The following PDE4D variants were observed in gnomAD, a reference collection of about 807,000 sequenced individuals.
PDE4D encodes the protein 3',5'-cyclic-AMP phosphodiesterase 4D.
Under a neutral mutation model 87.4 loss-of-function variants are expected in PDE4D, and 24 were observed. That is an observed-to-expected ratio of 0.27 (90% CI 0.20 to 0.39). The LOEUF (loss-of-function observed/expected upper bound fraction) is 0.39. PDE4D is among the 10% of genes least tolerant of loss of function. The pLI is 1.00. For missense variants in PDE4D, 714 were observed against 1,041.0 expected, an observed-to-expected ratio of 0.69 and a Z score of 4.32; for synonymous variants, 384 against 383.2, an observed-to-expected ratio of 1.00 and a Z score of -0.02.
intron 2 of PDE4D, among the ~76,000 whole-genome samples, chr5:60,089,020 G>A (rs1774826066): frequency 6.6e-6 from 1 of 151,904 alleles, no homozygotes; most frequent in African/African-American, 2.4e-5. Context: ...AAGAGCAGAA[G>A]TAAAGCTATA....
intron 3 of PDE4D, among the ~76,000 whole-genome samples, chr5:59,900,316 G>A (rs1370136061): frequency 6.7e-6 from 1 of 149,904 alleles, no homozygotes; most frequent in Admixed American, 6.7e-5. Context: ...TACTTAAAAT[G>A]TCTTCAAAAG....
At chr5:60,472,692 AAATGGTCTC>A in intron 1 of PDE4D, among the ~76,000 whole-genome samples, 1 of 152,340 alleles carries the variant, frequency 6.6e-6, no homozygotes, top group East Asian at 1.9e-4. Context: ...CCTAGGCTAC[AAATGGTCTC>A]TGACTTAGGA....
chr5:60,271,895 T>A (rs1173253104), intron 1 of PDE4D, among the ~76,000 whole-genome samples: 1 of 152,144 alleles, frequency 6.6e-6, no homozygotes. Context: ...TATTCCCTAA[T>A]TGCAGGAAAT....
At chr5:60,140,551 G>GAA (rs59594399) in intron 2 of PDE4D, among the ~76,000 whole-genome samples, 2 of 140,982 alleles carry the variant, frequency 1.4e-5, no homozygotes, top group East Asian at 2.3e-4. Context: ...AATAAAAGGA[G>GAA]AAAAAAAAAA....
At position 59,944,721 on chromosome 5, in the gene PDE4D, T is replaced by G. The variant is rs1268192256; in HGVS notation, c.272+43767A>C. Among the ~76,000 whole-genome samples, 4 of 152,328 alleles carry G rather than the reference T, an allele frequency of 2.6e-5. No individual in the cohort carries two copies. In the East Asian group the frequency reaches 7.7e-4, roughly 29 times the overall value. On this transcript the variant is annotated intron_variant, in intron 3 of 16. Transcript: ENST00000502484. Reference sequence around the variant, plus strand: ...CCAGTGCAATTCACCCTTTACTTAATGATGAAGGTATCCTTCAGCACTAAC... The same window carrying G: ...CCAGTGCAATTCACCCTTTACTTAAGGATGAAGGTATCCTTCAGCACTAAC...
intron 1 of PDE4D, among the ~76,000 whole-genome samples, chr5:59,681,958 G>C (rs1190496180): frequency 6.6e-6 from 1 of 150,696 alleles, no homozygotes; most frequent in African/African-American, 2.4e-5. Flanking sequence ...TTGCCCATGT[G>C]ATACCTTTCA....
intron 1 of PDE4D, among the ~76,000 whole-genome samples, chr5:59,565,073 G>A (rs1380282464): frequency 1.3e-5 from 2 of 152,160 alleles, no homozygotes; most frequent in Non-Finnish European, 2.9e-5. Flanking sequence ...GGTGCAGCTG[G>A]GGTGTGGCAC....
chr5:59,949,375 G>A (rs936120098), intron 3 of PDE4D, among the ~76,000 whole-genome samples: 1 of 145,896 alleles, frequency 6.9e-6, no homozygotes, highest in South Asian at 2.2e-4. Flanking sequence ...GGAGCTTGCA[G>A]TAAGCCGAGA....
At chr5:59,832,436 C>T (rs984098231) in intron 1 of PDE4D, among the ~76,000 whole-genome samples, 1 of 152,014 alleles carries the variant, frequency 6.6e-6, no homozygotes, top group African/African-American at 2.4e-5. Context: ...TTTTATGACA[C>T]CAGACTGCAA....
chr5:59,791,099 A>G (rs1189939886), intron 1 of PDE4D, among the ~76,000 whole-genome samples: 1 of 152,232 alleles, frequency 6.6e-6, no homozygotes, highest in African/African-American at 2.4e-5. Context: ...CATCACAGAA[A>G]AATCTGCCAT....
chr5:59,761,145 A>G (rs554732147), intron 1 of PDE4D, among the ~76,000 whole-genome samples: 1 of 152,346 alleles, frequency 6.6e-6, no homozygotes, highest in South Asian at 2.1e-4. Context: ...AAGTATTTGT[A>G]TATCTAAACA....
chr5:59,337,276 A>C (rs934674998), intron 1 of PDE4D, among the ~76,000 whole-genome samples: 2 of 151,346 alleles, frequency 1.3e-5, no homozygotes, highest in African/African-American at 4.9e-5. Context: ...TTCTTAAAAA[A>C]CTTAAATTTT....
At chr5:59,511,962 G>T (rs566363721) in intron 1 of PDE4D, among the ~76,000 whole-genome samples, 79 of 152,144 alleles carry the variant, frequency 5.2e-4, no homozygotes, top group Admixed American at 5.0e-3. Flanking sequence ...GTAATTTGAG[G>T]TCTGAAGTGG....
chr5:59,407,406 C>T (rs893411098), intron 1 of PDE4D, among the ~76,000 whole-genome samples: 1 of 152,168 alleles, frequency 6.6e-6, no homozygotes, highest in Non-Finnish European at 1.5e-5. Context: ...ATAAATTACC[C>T]AGTCTCAGAT....
intron 5 of PDE4D, among the ~76,000 whole-genome samples, chr5:59,158,359 T>C (rs1443773695): frequency 2.0e-5 from 3 of 152,298 alleles, no homozygotes; most frequent in Non-Finnish European, 4.4e-5. Context: ...CTGAGTCACT[T>C]ATACAATCGA....
chr5:59,483,602 C>T (rs905467581), intron 1 of PDE4D, among the ~76,000 whole-genome samples: 1 of 152,060 alleles, frequency 6.6e-6, no homozygotes, highest in Admixed American at 6.6e-5. Context: ...TAAGGTAATG[C>T]CCGTTTACTT....
chr5:59,966,914 A>G (rs1760115367), intron 3 of PDE4D, among the ~76,000 whole-genome samples: 1 of 152,238 alleles, frequency 6.6e-6, no homozygotes, highest in Non-Finnish European at 1.5e-5. Flanking sequence ...TATTCCTAGC[A>G]GAGAACTTTT....
intron 2 of PDE4D, among the ~76,000 whole-genome samples, chr5:60,071,231 T>C (rs1281697082): frequency 6.6e-6 from 1 of 152,028 alleles, no homozygotes; most frequent in African/African-American, 2.4e-5. Flanking sequence ...TTCTGCCTAA[T>C]TTGGCCTTAG....
Position 59,242,316 on chromosome 5 carries a change from C to T in PDE4D, c.456-26348G>A, listed in dbSNP as rs114985770. ...CTATGGTGGCCTGGAGAACCTCACA[C>T]TTCTTAATGGGTTCTCTAAGCAGGT... On this transcript the variant is annotated intron_variant, in intron 1 of 14. Transcript: ENST00000340635. Among the ~76,000 whole-genome samples, 740 of 152,238 alleles carry T rather than the reference C, an allele frequency of 4.9e-3. 7 individuals are homozygous for T. The highest frequency in any genetic ancestry group is 0.017 in the African/African-American group (708 of 41,550).
Sources: allele counts gnomAD v4.1 joint callset (sites outside exome capture counted in the v4.1 genomes callset), GRCh38; gene constraint gnomAD v4.1.1; transcripts MANE v1.5; gene names NCBI Gene and HGNC (gene_info 2026-07-23, HGNC 2026-07-21).